The following RBM20 variants were observed in gnomAD, a reference collection of about 807,000 sequenced individuals.
The protein encoded by RBM20 is RNA-binding protein 20.
Under a neutral mutation model 110.1 loss-of-function variants are expected in RBM20, and 51 were observed. The ratio of observed to expected loss-of-function variants is 0.46; its 90% CI spans 0.37 to 0.59. The LOEUF (loss-of-function observed/expected upper bound fraction) is 0.59, where lower values mean the gene tolerates loss of function less well. RBM20 is among the 20% of genes least tolerant of loss of function. The pLI, the probability that RBM20 is intolerant of heterozygous loss-of-function variation, is 0.00. For synonymous variants in RBM20, 589 were observed against 618.2 expected, an observed-to-expected ratio of 0.95 and a Z score of 0.70; for missense variants, 1,512 against 1,574.9, an observed-to-expected ratio of 0.96 and a Z score of 0.68.
At chr10:110,698,683 T>C (rs1201731577) in intron 1 of RBM20, among the ~76,000 whole-genome samples, 2 of 152,230 alleles carry the variant, frequency 1.3e-5, no homozygotes, top group Non-Finnish European at 1.5e-5. Context: ...CTTTATGCCA[T>C]GCTCCATAGA....
intron 1 of RBM20, among the ~76,000 whole-genome samples, chr10:110,690,431 G>A (rs901495627): frequency 1.3e-5 from 2 of 151,898 alleles, no homozygotes; most frequent in African/African-American, 4.8e-5. Flanking sequence ...AACAAAACCT[G>A]TACAATTCAC....
chr10:110,727,801 TG>T (rs1458390995), intron 1 of RBM20, among the ~76,000 whole-genome samples: 1 of 152,160 alleles, frequency 6.6e-6, no homozygotes, highest in Non-Finnish European at 1.5e-5. Context: ...TCCCTCCCCT[TG>T]TCCCCCATCC....
At chr10:110,758,642 C>T (rs948122613) in intron 1 of RBM20, among the ~76,000 whole-genome samples, 3 of 152,134 alleles carry the variant, frequency 2.0e-5, no homozygotes, top group African/African-American at 4.8e-5. Flanking sequence ...CTCCACCTGC[C>T]GCCGATGATA....
At chr10:110,808,714 C>A (rs1844725462) in intron 7 of RBM20, among the ~76,000 whole-genome samples, 1 of 152,120 alleles carries the variant, frequency 6.6e-6, no homozygotes, top group Non-Finnish European at 1.5e-5. Flanking sequence ...GACCTCTCTC[C>A]CTGAAACTGC....
intron 1 of RBM20, among the ~76,000 whole-genome samples, chr10:110,713,979 A>G (rs1164213321): frequency 2.0e-5 from 3 of 152,206 alleles, no homozygotes; most frequent in Non-Finnish European, 4.4e-5. Flanking sequence ...TACATGGCCC[A>G]AAGGATCATC....
chr10:110,643,609 G>A (rs1003415543), upstream of RBM20, among the ~76,000 whole-genome samples: 3 of 152,234 alleles, frequency 2.0e-5, no homozygotes, highest in African/African-American at 4.8e-5. Context: ...TTTTGTCTTT[G>A]CGCTCGTGGG....
At chr10:110,818,322 T>G (rs1844867782) in intron 9 of RBM20, among the ~76,000 whole-genome samples, 1 of 142,570 alleles carries the variant, frequency 7.0e-6, no homozygotes, top group Non-Finnish European at 1.5e-5. Flanking sequence ...AACGACAATA[T>G]GGTGAGGATG....
intron 13 of RBM20, among the ~76,000 whole-genome samples, chr10:110,832,687 T>G (rs1282903882): frequency 6.6e-6 from 1 of 152,240 alleles, no homozygotes; most frequent in African/African-American, 2.4e-5. Context: ...ATCACTTTCC[T>G]CTTTTTACTC....
intron 1 of RBM20, among the ~76,000 whole-genome samples, chr10:110,677,785 A>C (rs1862360808): frequency 6.6e-6 from 1 of 152,182 alleles, no homozygotes; most frequent in South Asian, 2.1e-4. Context: ...CATGTATCTC[A>C]TGTTACTTGT....
At chr10:110,712,406 A>G (rs900326788) in intron 1 of RBM20, among the ~76,000 whole-genome samples, 2 of 152,268 alleles carry the variant, frequency 1.3e-5, no homozygotes, top group African/African-American at 2.4e-5. Flanking sequence ...AGCTACTGCC[A>G]TAGTCTGAGC....
chr10:110,762,241 G>A (rs1844015353), intron 1 of RBM20, among the ~76,000 whole-genome samples: 1 of 152,248 alleles, frequency 6.6e-6, no homozygotes, highest in South Asian at 2.1e-4. Context: ...TGAAAATCAA[G>A]AGAATGTGTG....
chr10:110,790,050 C>T (rs1844465684), intron 5 of RBM20, among the ~76,000 whole-genome samples: 1 of 152,116 alleles, frequency 6.6e-6, no homozygotes, highest in Non-Finnish European at 1.5e-5. Flanking sequence ...TGATACACAT[C>T]GTTTTTATTA....
intron 5 of RBM20, among the ~76,000 whole-genome samples, chr10:110,785,358 G>A (rs1844407333): frequency 6.6e-6 from 1 of 152,136 alleles, no homozygotes; most frequent in Admixed American, 6.5e-5. Flanking sequence ...GAAGTGAGGT[G>A]AGCATGTGAC....
intron 13 of RBM20, chr10:110,831,391 C>A: frequency 2.0e-6 from 1 of 507,772 alleles, no homozygotes; most frequent in Non-Finnish European, 3.5e-6. Flanking sequence ...ATGGAAAACC[C>A]CTAATCTTCC....
chr10:110,790,659 AT>A (rs1234172815), intron 5 of RBM20, among the ~76,000 whole-genome samples: 2 of 152,240 alleles, frequency 1.3e-5, no homozygotes, highest in African/African-American at 4.8e-5. Context: ...CTGTTACACA[AT>A]TTGTTTTTTT....
chr10:110,828,907 A>G (rs186861110), intron 12 of RBM20, among the ~76,000 whole-genome samples: 1 of 152,298 alleles, frequency 6.6e-6, no homozygotes, highest in Admixed American at 6.5e-5. Flanking sequence ...CTGACAGAAG[A>G]TAGCTCTAGC....
At chr10:110,699,971 T>A (rs1157818301) in intron 1 of RBM20, among the ~76,000 whole-genome samples, 1 of 152,052 alleles carries the variant, frequency 6.6e-6, no homozygotes, top group Non-Finnish European at 1.5e-5. Context: ...GACAAAAAGG[T>A]GATTCACGTC....
At chr10:110,696,448 G>C (rs1862665286) in intron 1 of RBM20, among the ~76,000 whole-genome samples, 1 of 152,150 alleles carries the variant, frequency 6.6e-6, no homozygotes. Flanking sequence ...GAGCTGTCAC[G>C]TCAGACCTCT....
intron 1 of RBM20, among the ~76,000 whole-genome samples, chr10:110,728,466 G>C (rs1483257181): frequency 1.3e-5 from 2 of 149,848 alleles, no homozygotes; most frequent in East Asian, 3.8e-4. Context: ...TAGACAGGTA[G>C]ACTTTGGTAG....
Sources: gnomAD v4.1 joint callset for allele counts (sites outside exome capture counted in the v4.1 genomes callset) on GRCh38, gnomAD v4.1.1 for gene constraint, MANE v1.5 for transcripts, NCBI Gene and HGNC (gene_info 2026-07-23, HGNC 2026-07-21) for gene names.